Variants in EDIL3 observed in about 807,000 individuals in gnomAD.
The protein encoded by EDIL3 is EGF like and discoidin domains 3, also known as EGF-like repeat and discoidin I-like domain-containing protein 3.
EDIL3 carries 37 observed loss-of-function variants against 67.4 expected under a neutral mutation model. The observed-to-expected ratio is 0.55, with a 90% confidence interval of 0.42 to 0.72. EDIL3 has a LOEUF of 0.72. Among genes scored for constraint, EDIL3 ranks in the 30% least tolerant of loss-of-function variants. EDIL3 has a pLI of 0.00. For missense variants in EDIL3, 527 were observed against 586.3 expected, an observed-to-expected ratio of 0.90 and a Z score of 1.04; for synonymous variants, 195 against 196.3, an observed-to-expected ratio of 0.99 and a Z score of 0.05.
chr5:84,312,054 C>T (rs1580070979), intron 1 of EDIL3, among the ~76,000 whole-genome samples: 1 of 152,280 alleles, frequency 6.6e-6, no homozygotes, highest in Non-Finnish European at 1.5e-5. Flanking sequence ...CATCATGGCC[C>T]GTTCTCAATG....
chr5:84,319,324 C>A lies in EDIL3; in HGVS notation c.67+64984G>T, dbSNP rs190522902. Among the ~76,000 whole-genome samples, 2 of 110,568 alleles carry A rather than the reference C, an allele frequency of 1.8e-5. 1 individual carries two copies. The highest frequency in any genetic ancestry group is 7.0e-4 in the South Asian group (2 of 2,864). The allele number at this position is 110,568 out of a possible 152,430, so 72.5% of individuals were successfully genotyped here. A position where few individuals can be genotyped will look rare whatever the true frequency, so the allele number is the denominator to read the frequency against. On this transcript the variant is annotated intron_variant, in intron 1 of 10. Transcript: ENST00000296591. ...AAATACAAAAAAAAAATTAGCCGGG[C>A]GCAGTGGCGGGCGCCTGTAGTCCCA...
At chr5:83,960,206 A>C (rs554760329) in intron 10 of EDIL3, among the ~76,000 whole-genome samples, 3 of 151,226 alleles carry the variant, frequency 2.0e-5, no homozygotes, top group African/African-American at 7.2e-5. Flanking sequence ...AAATTGGCTA[A>C]GTTTAGCCAA....
chr5:84,299,877 C>T (rs73144504), intron 1 of EDIL3, among the ~76,000 whole-genome samples: 432 of 152,224 alleles, frequency 2.8e-3, no homozygotes, highest in African/African-American at 0.01. Flanking sequence ...TCATTATCAG[C>T]CCATAAATGT....
rs576323026 is a variant in EDIL3, at chr5:84,139,106, G to A, written c.356-1752C>T. Among the ~76,000 whole-genome samples the A allele has an allele frequency of 3.3e-3, 495 of 152,148 alleles. 5 individuals carry two copies. Among genetic ancestry groups the A allele is most frequent in the Non-Finnish European group, 5.8e-3 (394 of 67,974 alleles). ...TACAAAAATTAGCTGGTGTGGTGGC[G>A]TGTGCCTATAATCCCAGCTACTCAG... On this transcript the variant is annotated intron_variant, in intron 4 of 10. Coordinates refer to ENST00000296591, the MANE Select transcript of EDIL3 (RefSeq NM_005711.5).
intron 4 of EDIL3, among the ~76,000 whole-genome samples, chr5:84,159,985 T>C (rs889084667): frequency 2.0e-5 from 3 of 152,138 alleles, no homozygotes; most frequent in African/African-American, 7.2e-5. Context: ...GCTTGTGTTG[T>C]TGGCATTTTC....
At chr5:84,245,386 TAA>T (rs2112064945) in intron 2 of EDIL3, among the ~76,000 whole-genome samples, 1 of 152,324 alleles carries the variant, frequency 6.6e-6, no homozygotes, top group South Asian at 2.1e-4. Flanking sequence ...ATAAGTCCAT[TAA>T]GCTTCCTCTT....
intron 2 of EDIL3, among the ~76,000 whole-genome samples, chr5:84,245,645 T>C (rs1360379991): frequency 6.6e-6 from 1 of 152,154 alleles, no homozygotes; most frequent in Non-Finnish European, 1.5e-5. Flanking sequence ...TGGCATGTTT[T>C]ACATAGTATC....
rs1178660927 is a variant in EDIL3 at position 84,141,906 on chromosome 5, C to CATATATAT, written c.356-4560_356-4553dup. Among the ~76,000 whole-genome samples, 575 of 96,790 alleles carry CATATATAT rather than the reference C, an allele frequency of 5.9e-3. 7 individuals carry two copies. Among genetic ancestry groups the CATATATAT allele is most frequent in the African/African-American group, 0.018 (495 of 27,654 alleles). The allele number at this position is 96,790 out of a possible 152,430, so 63.5% of individuals were successfully genotyped here. A position where few individuals can be genotyped will look rare whatever the true frequency, so the allele number is the denominator to read the frequency against. On this transcript the variant is annotated intron_variant, in intron 4 of 10. Coordinates refer to ENST00000296591, the MANE Select transcript of EDIL3 (RefSeq NM_005711.5). Reference sequence around the variant, plus strand: ...CTACTCCAGTAATTGACAAACTACTCATATATATATATATATACACATATA... The same window carrying CATATATAT: ...CTACTCCAGTAATTGACAAACTACTCATATATATATATATATATATATATACACATATA...
At chr5:84,362,024 T>A (rs1285971077) in intron 1 of EDIL3, among the ~76,000 whole-genome samples, 1 of 152,036 alleles carries the variant, frequency 6.6e-6, no homozygotes, top group Admixed American at 6.6e-5. Context: ...TGCAGATACA[T>A]AATAAAATGA....
At chr5:84,156,242 G>T (rs537329468) in intron 4 of EDIL3, among the ~76,000 whole-genome samples, 6 of 152,232 alleles carry the variant, frequency 3.9e-5, no homozygotes, top group African/African-American at 1.2e-4. Flanking sequence ...GGGAAGAGGA[G>T]GGCAACCAGG....
chr5:84,236,837 T>C (rs1252318038), intron 2 of EDIL3, among the ~76,000 whole-genome samples: 1 of 151,722 alleles, frequency 6.6e-6, no homozygotes, highest in Non-Finnish European at 1.5e-5. Flanking sequence ...CCTAAGAAAA[T>C]TCATGGGCAA....
chr5:84,374,128 G>T (rs955517414), intron 1 of EDIL3, among the ~76,000 whole-genome samples: 2 of 151,638 alleles, frequency 1.3e-5, no homozygotes, highest in Non-Finnish European at 2.9e-5. Flanking sequence ...AAGTGTTAAT[G>T]TTGAGAAGCA....
In EDIL3 at chr5:84,357,402, C is replaced by G. The variant is rs143179607; in HGVS notation, c.67+26906G>C. On this transcript the variant is annotated intron_variant, in intron 1 of 10. Coordinates refer to ENST00000296591, the MANE Select transcript of EDIL3 (RefSeq NM_005711.5). ...AAGTGAATACTATGAATATATGGAC[C>G]TGCATATGAAAGAAAATTCTCCCAC... Among the ~76,000 whole-genome samples, 55 of 152,164 alleles carry G rather than the reference C, an allele frequency of 3.6e-4. No homozygotes were observed. The East Asian group carries it at 0.01, about 28-fold the overall frequency.
intron 9 of EDIL3, among the ~76,000 whole-genome samples, chr5:83,980,804 A>G (rs1342703995): frequency 2.0e-5 from 3 of 151,116 alleles, no homozygotes; most frequent in African/African-American, 7.3e-5. Flanking sequence ...TTTGTAGGAA[A>G]CAAGATCACT....
At chr5:84,190,516 A>G (rs1160229350) in intron 3 of EDIL3, among the ~76,000 whole-genome samples, 1 of 150,894 alleles carries the variant, frequency 6.6e-6, no homozygotes, top group Non-Finnish European at 1.5e-5. Flanking sequence ...TTAAAGACAG[A>G]GCAGAGACCA....
At chr5:84,208,685 C>CAAAAA (rs70975546) in intron 3 of EDIL3, among the ~76,000 whole-genome samples, 12 of 59,400 alleles carry the variant, frequency 2.0e-4, no homozygotes, top group Non-Finnish European at 2.9e-4. Flanking sequence ...GACTCCGTCT[C>CAAAAA]AAAAAAAAAA....
intron 1 of EDIL3, among the ~76,000 whole-genome samples, chr5:84,350,316 G>A (rs1444314733): frequency 6.6e-6 from 1 of 151,862 alleles, no homozygotes. Flanking sequence ...CTGACTGGTG[G>A]CAGAGGCTAC....
chr5:84,231,495 T>A (rs1035798599), intron 2 of EDIL3, among the ~76,000 whole-genome samples: 14 of 152,214 alleles, frequency 9.2e-5, no homozygotes, highest in Non-Finnish European at 1.3e-4. Flanking sequence ...ATAAAGGAAC[T>A]TTGTTCCCAG....
At chr5:84,196,331 C>T (rs1743702434) in intron 3 of EDIL3, among the ~76,000 whole-genome samples, 2 of 151,958 alleles carry the variant, frequency 1.3e-5, no homozygotes. Context: ...TAACTCTCAC[C>T]TCTACTAAAC....
Sources: allele counts gnomAD v4.1 joint callset (sites outside exome capture counted in the v4.1 genomes callset), GRCh38; gene constraint gnomAD v4.1.1; transcripts MANE v1.5; gene names NCBI Gene and HGNC (gene_info 2026-07-23, HGNC 2026-07-21).